The following PSME4 variants were observed in gnomAD, a reference collection of about 807,000 sequenced individuals.
The protein encoded by PSME4 is proteasome activator complex subunit 4.
Under a neutral mutation model 253.9 loss-of-function variants are expected in PSME4, and 89 were observed. The observed-to-expected ratio is 0.35, with a 90% CI of 0.30 to 0.42. The LOEUF is 0.42. Ranked by LOEUF, PSME4 falls within the 10% of genes least tolerant of loss-of-function variation. PSME4 has a pLI of 1.00. For synonymous variants in PSME4, 851 were observed against 759.2 expected (o/e 1.12, Z -1.99); for missense variants, 2,014 against 2,195.2 (o/e 0.92, Z 1.65).
intron 1 of PSME4, among the ~76,000 whole-genome samples, chr2:53,956,588 T>A (rs1253933930): frequency 6.6e-6 from 1 of 151,894 alleles, no homozygotes; most frequent in Non-Finnish European, 1.5e-5. Context: ...CTATATATTT[T>A]TTGAGATGGA....
chr2:53,940,863 A>ATAATAC (rs1553338330), intron 3 of PSME4, among the ~76,000 whole-genome samples: 1 of 142,814 alleles, frequency 7.0e-6, no homozygotes, highest in South Asian at 2.1e-4. Flanking sequence ...ATATATATAT[A>ATAATAC]ATATATATTT....
intron 20 of PSME4, among the ~76,000 whole-genome samples, chr2:53,916,416 T>C (rs1316736243): frequency 1.3e-5 from 2 of 152,212 alleles, no homozygotes. Context: ...ATGACAATTA[T>C]GTGTTTCATT....
Position 53,910,088 on chromosome 2 carries a change from A to C in PSME4, c.2559T>G (p.Thr853=). Residue 853 remains threonine (T), a synonymous_variant, in exon 21 of 47, where the codon ACT becomes ACG. Transcript: ENST00000404125. Reference sequence around the variant, plus strand: ...GGATTCACATACCATATTCAAGTCCAGTATACAACTTTGTCTCTTCCAAGG... The same window carrying C: ...GGATTCACATACCATATTCAAGTCCCGTATACAACTTTGTCTCTTCCAAGG... ...MVSLEETKLY[T]GLEYDLSREN... is the part of the protein sequence containing the mutation. 1.2e-6 allele frequency: 2 copies of C among 1,608,078 alleles called. No individual in the cohort carries two copies. The highest frequency in any genetic ancestry group is 1.7e-6 in the Non-Finnish European group (2 of 1,174,548).
At chr2:53,947,399 G>A (rs1222233621) in intron 3 of PSME4, among the ~76,000 whole-genome samples, 2 of 152,252 alleles carry the variant, frequency 1.3e-5, no homozygotes, top group East Asian at 3.9e-4. Context: ...ATAGAGAATG[G>A]TGCTCTTCAA....
intron 41 of PSME4, among the ~76,000 whole-genome samples, chr2:53,878,114 C>T (rs987902748): frequency 6.6e-6 from 1 of 152,112 alleles, no homozygotes; most frequent in Non-Finnish European, 1.5e-5. Context: ...GGACCCCAAA[C>T]GGAGGGACCG....
At position 53,906,611 on chromosome 2, in the gene PSME4, C is replaced by G; in HGVS notation, c.2930G>C (p.Ser977Thr). 1 of 1,590,948 alleles carries G rather than the reference C, an allele frequency of 6.3e-7. No homozygotes were observed. The change falls in exon 26 of 47, where the codon AGT (serine) becomes ACT (threonine). Residue 977 changes from serine to threonine, a missense_variant. Ser to Thr is a moderately conservative substitution (Grantham distance 58, BLOSUM62 1). This residue lies in a region of PSME4 where 989 missense variants were observed against 1,021.1 expected (regional missense o/e 0.97). Transcript: ENST00000404125. ...GATAAGCCTTACCTGACTGTATGAACTTGTAGATAAACGAAGAAGATCTCT... is the reference window on the plus strand; with the variant it reads ...GATAAGCCTTACCTGACTGTATGAAGTTGTAGATAAACGAAGAAGATCTCT... ...MIRDLLRLST[S>T]SYSQVRNKAQ...
chr2:53,870,783 A>G (rs1678837786), intron 43 of PSME4: 1 of 151,920 alleles, frequency 6.6e-6, no homozygotes, highest in Non-Finnish European at 1.5e-5. Context: ...TATTTTCAAT[A>G]TACTCCATTT....
chr2:53,882,679 T>C (rs1213543032), intron 41 of PSME4, among the ~76,000 whole-genome samples: 1 of 152,198 alleles, frequency 6.6e-6, no homozygotes, highest in Non-Finnish European at 1.5e-5. Flanking sequence ...CTGCCTCTTG[T>C]TGTCTATCTG....
At chr2:53,910,554 C>T (rs1667785210) in intron 20 of PSME4, among the ~76,000 whole-genome samples, 1 of 152,138 alleles carries the variant, frequency 6.6e-6, no homozygotes, top group South Asian at 2.1e-4. Context: ...AACATCTCTC[C>T]TAATGTGCAG....
At chr2:53,950,090 C>T (rs1021864371) in intron 1 of PSME4, among the ~76,000 whole-genome samples, 3 of 152,042 alleles carry the variant, frequency 2.0e-5, no homozygotes, top group African/African-American at 4.8e-5. Context: ...GCCTGGGCAA[C>T]GTAGCAAAAC....
At chr2:53,963,948 G>T (rs768225314) in intron 1 of PSME4, among the ~76,000 whole-genome samples, 1 of 152,120 alleles carries the variant, frequency 6.6e-6, no homozygotes, top group African/African-American at 2.4e-5. Flanking sequence ...AACTGGCCAT[G>T]AGTTAATTAA....
At chr2:53,874,619 G>C in intron 42 of PSME4, 125 bp from the exon 43 acceptor site, 1 of 973,356 alleles carries the variant, frequency 1.0e-6, no homozygotes, top group Non-Finnish European at 1.5e-6. Flanking sequence ...GGTATAGTTA[G>C]GACAAGCTCA....
At chr2:53,936,634 C>A in intron 6 of PSME4, 130 bp downstream of exon 6, 2 of 599,078 alleles carry the variant, frequency 3.3e-6, no homozygotes. Flanking sequence ...TGGCTAACAG[C>A]CAATCCTAAG....
rs756716273 is a variant in PSME4 at position 53,906,646 on chromosome 2, T to C, written c.2895A>G (p.Gln965=). The stretch of plus-strand genomic sequence containing the variant: ...AACGAAGAAGATCTCTGATCATATC[T>C]TGATGTATCTTTTTGTATTCACAAC... ...VEGCEYKKIH[Q]DMIRDLLRLS... The change falls in exon 26 of 47, where the codon CAA becomes CAG. Residue 965 remains glutamine, a synonymous_variant. Transcript: ENST00000404125. 4.4e-6 allele frequency: 7 copies of C among 1,604,102 alleles called. No individual in the cohort carries two copies. The highest frequency in any genetic ancestry group is 6.0e-6 in the Non-Finnish European group (7 of 1,175,994).
chr2:53,936,735 G>T, intron 6 of PSME4, 29 bp downstream of exon 6: 1 of 1,480,618 alleles, frequency 6.8e-7, no homozygotes, highest in Non-Finnish European at 9.1e-7. Context: ...AAACTATAGG[G>T]GGGAAGAAAG....
In PSME4 at chr2:53,934,811, C is replaced by A. The variant is rs1029911500; in HGVS notation, c.835-84G>T. 2.9e-6 allele frequency: 3 copies of A among 1,023,418 alleles called. No homozygotes were observed. In the African/African-American group the frequency reaches 4.9e-5, roughly 17 times the overall value. 63.4% of individuals were successfully genotyped at this position (1,023,418 alleles called of 1,614,324 possible). Reference sequence around the variant, plus strand: ...TAGTAAGTGCTGTATATTAGTGTTACTGAAGATATTTTCATTTTATCACAA... The same window carrying A: ...TAGTAAGTGCTGTATATTAGTGTTAATGAAGATATTTTCATTTTATCACAA... On this transcript the variant is annotated intron_variant, in intron 7 of 46. Coordinates refer to ENST00000404125, the MANE Select transcript of PSME4 (RefSeq NM_014614.3).
intron 1 of PSME4, among the ~76,000 whole-genome samples, chr2:53,964,964 TTATAA>T (rs1670647220): frequency 6.6e-6 from 1 of 152,186 alleles, no homozygotes; most frequent in Admixed American, 6.5e-5. Flanking sequence ...TGACTTCACA[TTATAA>T]TATAGTCACT....
rs755345639 is a variant in PSME4, at chr2:53,936,817, C to G, written c.706G>C (p.Asp236His). Residue 236 changes from aspartate (D) to histidine (H), a missense_variant, in exon 6 of 47, where the codon GAT (aspartate) becomes CAT (histidine). By Grantham distance (81) the Asp-to-His change is moderately conservative (BLOSUM62 -1). Around this residue, in one of 4 missense-constraint regions of PSME4, gnomAD observed 615 missense variants for 594.4 expected, o/e 1.03. Coordinates refer to ENST00000404125, the MANE Select transcript of PSME4 (RefSeq NM_014614.3). ...GAAACCCAAAGGCCAATTAATTCAT[C>G]AAACCAAAGTCTAAAGAAGAAAAAT... ...LHHKGFKLWF[D>H]ELIGLWVSVQ... The G allele has an allele frequency of 1.3e-6, 2 of 1,594,774 alleles. No homozygotes were observed. Among genetic ancestry groups the G allele is most frequent in the East Asian group, 4.6e-5 (2 of 43,290 alleles).
At chr2:53,884,533 A>G (rs939471271) in intron 41 of PSME4, among the ~76,000 whole-genome samples, 3 of 152,194 alleles carry the variant, frequency 2.0e-5, no homozygotes, top group Non-Finnish European at 2.9e-5. Flanking sequence ...TTCTAATGAT[A>G]TAAGTTTTTT....
Sources: allele counts gnomAD v4.1 joint callset (sites outside exome capture counted in the v4.1 genomes callset), GRCh38; gene constraint gnomAD v4.1.1; regional missense constraint gnomAD v4.1.1; transcripts MANE v1.5; gene names NCBI Gene and HGNC (gene_info 2026-07-23, HGNC 2026-07-21).